The following TNNI3K variants were observed in gnomAD, a reference collection of about 807,000 sequenced individuals.
The protein encoded by TNNI3K is serine/threonine-protein kinase TNNI3K.
TNNI3K carries 140 observed loss-of-function variants against 114.5 expected under a neutral mutation model. The ratio of observed to expected loss-of-function variants is 1.22; its 90% CI spans 1.07 to 1.41. The LOEUF is 1.41. Ranked by LOEUF, TNNI3K falls within the 40% of genes most tolerant of loss-of-function variation. The pLI, the probability that TNNI3K is intolerant of heterozygous loss-of-function variation, is 0.00. For missense variants in TNNI3K, 1,125 were observed against 1,007.6 expected (o/e 1.12, Z -1.58); for synonymous variants, 347 against 347.5 (o/e 1.00, Z 0.02).
intron 2 of TNNI3K, among the ~76,000 whole-genome samples, chr1:74,237,550 G>A (rs1444027208): frequency 2.0e-5 from 3 of 151,948 alleles, no homozygotes; most frequent in African/African-American, 7.2e-5. Context: ...CATAGGTGAA[G>A]GCTAGCTTAA....
In TNNI3K at chr1:74,471,981, A is replaced by AT. The variant is rs758068850; in HGVS notation, c.2121+8438dup. The AT allele has an allele frequency of 1.6e-4, 98 of 628,758 alleles. 2 individuals are homozygous for AT. In the Admixed American group the frequency reaches 2.5e-3, roughly 16 times the overall value. The allele number at this position is 628,758 out of a possible 1,614,324, so 38.9% of individuals were successfully genotyped here. A position where few individuals can be genotyped will look rare whatever the true frequency, so the allele number is the denominator to read the frequency against. On this transcript the variant is annotated intron_variant, in intron 21 of 24. Transcript: ENST00000326637. Reference sequence around the variant, plus strand: ...CACAAGGATCATCATATTTTGATCTATTTTTTTGTACGATCTTTTGTACAT... The same window carrying AT: ...CACAAGGATCATCATATTTTGATCTATTTTTTTTGTACGATCTTTTGTACAT...
intron 16 of TNNI3K, 37 bp from the exon 17 acceptor site, chr1:74,370,250 AC>A: frequency 6.6e-7 from 1 of 1,514,060 alleles, no homozygotes; most frequent in Non-Finnish European, 8.9e-7. Context: ...ATTCGTTTTG[AC>A]CATTTCATCT....
rs187752878 is a variant in TNNI3K at position 74,540,845 on chromosome 1, C to G, written c.2431+532C>G. On this transcript the variant is annotated intron_variant, in intron 24 of 24. Transcript: ENST00000326637. ...AACAGCTGGAGAGGCAGTGAGGGGA[C>G]AGTTTGATGGGAACCATTTTACACA... Among the ~76,000 whole-genome samples the G allele has an allele frequency of 1.6e-3, 244 of 152,196 alleles. 4 individuals carry two copies. The highest frequency in any genetic ancestry group is 0.015 in the Admixed American group (227 of 15,278).
chr1:74,251,560 G>A (rs928145824), intron 4 of TNNI3K, among the ~76,000 whole-genome samples: 3 of 152,196 alleles, frequency 2.0e-5, no homozygotes, highest in Non-Finnish European at 4.4e-5. Context: ...AGTGATTAAA[G>A]TCAAGTACAG....
intron 17 of TNNI3K, among the ~76,000 whole-genome samples, chr1:74,398,674 T>C (rs1664205299): frequency 6.6e-6 from 1 of 152,038 alleles, no homozygotes; most frequent in Non-Finnish European, 1.5e-5. Context: ...TTAGAACAAA[T>C]TATACCCAGA....
chr1:74,484,885 T>G (rs1261327249), intron 21 of TNNI3K, among the ~76,000 whole-genome samples: 1 of 152,200 alleles, frequency 6.6e-6, no homozygotes, highest in Middle Eastern at 3.2e-3. Flanking sequence ...GGGAACTACT[T>G]TTAGATAAGC....
At chr1:74,368,016 G>T (rs1042030042) in intron 13 of TNNI3K, 52 bp downstream of exon 13, 1 of 1,467,754 alleles carries the variant, frequency 6.8e-7, no homozygotes. Flanking sequence ...GATAACTATT[G>T]CTTCAAATGT....
At chr1:74,285,490 T>C (rs1283230124) in intron 5 of TNNI3K, among the ~76,000 whole-genome samples, 2 of 151,094 alleles carry the variant, frequency 1.3e-5, no homozygotes, top group East Asian at 3.9e-4. Flanking sequence ...GTTGGATCCA[T>C]CTATCCTGAA....
chr1:74,259,418 A>G (rs111287673), intron 4 of TNNI3K, among the ~76,000 whole-genome samples: 26 of 152,334 alleles, frequency 1.7e-4, no homozygotes, highest in African/African-American at 4.8e-4. Context: ...TTTTAGTTCT[A>G]TTCAGGCCTT....
intron 5 of TNNI3K, among the ~76,000 whole-genome samples, chr1:74,289,368 T>C (rs1198488572): frequency 1.3e-5 from 2 of 151,962 alleles, no homozygotes; most frequent in African/African-American, 4.8e-5. Context: ...CCATTTAAAG[T>C]ATAAAAAAAG....
intron 17 of TNNI3K, among the ~76,000 whole-genome samples, chr1:74,406,377 G>A (rs144104121): frequency 3.8e-4 from 58 of 152,176 alleles, no homozygotes; most frequent in Non-Finnish European, 7.8e-4. Flanking sequence ...TTTATATGTG[G>A]CCCAAGACAA....
intron 23 of TNNI3K, among the ~76,000 whole-genome samples, chr1:74,514,934 T>C (rs1646327958): frequency 2.0e-5 from 3 of 152,114 alleles, no homozygotes; most frequent in African/African-American, 2.4e-5. Context: ...AGATGACTTG[T>C]GTCTTTATAA....
Position 74,532,373 on chromosome 1 carries a change from C to T in TNNI3K, c.2352-7861C>T, listed in dbSNP as rs1435038865. ...ATCTTTATGTGCAAATAATCCAAAA[C>T]CCTTTAACTTATTATCAGCTCTGTA... On this transcript the variant is annotated intron_variant, in intron 23 of 24. Coordinates refer to ENST00000326637, the MANE Select transcript of TNNI3K (RefSeq NM_015978.3). 2.6e-5 allele frequency among the ~76,000 whole-genome samples: 4 copies of T among 152,118 alleles called. No homozygotes were observed. The East Asian group carries it at 7.7e-4, about 29-fold the overall frequency.
chr1:74,371,815 A>G (rs944635867), intron 17 of TNNI3K: 3 of 151,786 alleles, frequency 2.0e-5, no homozygotes, highest in African/African-American at 4.8e-5. Context: ...TTGGAGCTAT[A>G]TTATTGAAAG....
intron 21 of TNNI3K, among the ~76,000 whole-genome samples, chr1:74,464,219 C>G (rs1403224201): frequency 6.6e-6 from 1 of 152,180 alleles, no homozygotes; most frequent in Non-Finnish European, 1.5e-5. Flanking sequence ...GTTATGTCTG[C>G]TTTGTTCTCA....
At chr1:74,475,115 C>CT in intron 21 of TNNI3K, among the ~76,000 whole-genome samples, 1 of 131,520 alleles carries the variant, frequency 7.6e-6, no homozygotes, top group East Asian at 2.4e-4. Flanking sequence ...TCCACCTCAG[C>CT]CCACACACAC....
At chr1:74,312,081 G>A (rs1659024488) in intron 5 of TNNI3K, among the ~76,000 whole-genome samples, 1 of 152,092 alleles carries the variant, frequency 6.6e-6, no homozygotes, top group Admixed American at 6.5e-5. Flanking sequence ...GGGAATGTTG[G>A]TTACTATACT....
chr1:74,271,763 T>G, intron 5 of TNNI3K, 55 bp downstream of exon 5: 2 of 1,454,488 alleles, frequency 1.4e-6, no homozygotes, highest in Non-Finnish European at 1.9e-6. Context: ...TTTTCGGTTG[T>G]TGTTCTTAAC....
chr1:74,311,543 T>C (rs1156961663), intron 5 of TNNI3K, among the ~76,000 whole-genome samples: 4 of 152,180 alleles, frequency 2.6e-5, no homozygotes, highest in African/African-American at 9.7e-5. Flanking sequence ...ACATGAAATA[T>C]GACAAAAATA....
Sources: allele counts gnomAD v4.1 joint callset (sites outside exome capture counted in the v4.1 genomes callset), GRCh38; gene constraint gnomAD v4.1.1; transcripts MANE v1.5; gene names NCBI Gene and HGNC (gene_info 2026-07-23, HGNC 2026-07-21).